LNPEP: variants seen among roughly 807,000 people sequenced by gnomAD.
LNPEP encodes the protein leucyl and cystinyl aminopeptidase, also known as leucyl-cystinyl aminopeptidase.
In LNPEP, 64 loss-of-function variants were observed where a neutral mutation model predicts 120.6. The ratio of observed to expected loss-of-function variants is 0.53; its 90% CI spans 0.43 to 0.65. The LOEUF is 0.65. Among genes scored for constraint, LNPEP ranks in the 30% least tolerant of loss-of-function variants. The pLI is 0.00. For missense variants in LNPEP, 1,057 were observed against 1,200.0 expected (o/e 0.88, Z 1.76); for synonymous variants, 435 against 425.4 (o/e 1.02, Z -0.28).
intron 14 of LNPEP, among the ~76,000 whole-genome samples, chr5:97,022,983 C>T (rs27295): frequency 0.59 from 89,825 of 151,650 alleles, 26,665 homozygotes; most frequent in Middle Eastern, 0.7. Context: ...TAGTGTTAAG[C>T]ATATTCACAT....
rs1039428198 is a variant in LNPEP at position 97,032,331 on chromosome 5, C to T, written c.*3798C>T. On this transcript the variant is annotated 3_prime_UTR_variant, in exon 18 of 18. Transcript: ENST00000231368. ...ATTCTTTTATTTTGTGCTCCATTCC[C>T]TGCTTTGCCAGTTAAGTACTACCTG... The T allele has an allele frequency of 2.6e-5, 4 of 152,088 alleles. No homozygotes were observed. The highest frequency in any genetic ancestry group is 4.4e-5 in the Non-Finnish European group (3 of 68,020). The allele number at this position is 152,088 out of a possible 1,614,324, so 9.4% of individuals were successfully genotyped here. A position where few individuals can be genotyped will look rare whatever the true frequency, so the allele number is the denominator to read the frequency against.
At chr5:97,010,789 A>G in intron 11 of LNPEP, 1 of 985,412 alleles carries the variant, frequency 1.0e-6, no homozygotes, top group Non-Finnish European at 1.2e-6. Context: ...ATATGAGGGT[A>G]GCTTCATCCA....
intron 1 of LNPEP, among the ~76,000 whole-genome samples, chr5:96,952,598 A>G (rs1789349520): frequency 6.6e-6 from 1 of 152,204 alleles, no homozygotes; most frequent in East Asian, 1.9e-4. Context: ...GACTGGCCAC[A>G]TTATCAGATG....
intron 1 of LNPEP, among the ~76,000 whole-genome samples, chr5:96,975,424 A>G (rs184374516): frequency 6.6e-6 from 1 of 152,304 alleles, no homozygotes; most frequent in Non-Finnish European, 1.5e-5. Context: ...AGGTCCATCT[A>G]GCCCGAGGTA....
chr5:97,003,005 C>T (rs1227585752), intron 8 of LNPEP, among the ~76,000 whole-genome samples: 1 of 152,186 alleles, frequency 6.6e-6, no homozygotes. Flanking sequence ...TTTATTGTGT[C>T]TCCAGCACAC....
Position 96,954,639 on chromosome 5 carries a change from T to TAC in LNPEP, c.19+18467_19+18468dup, listed in dbSNP as rs1554066327. On this transcript the variant is annotated intron_variant, in intron 1 of 17. Coordinates refer to ENST00000231368, the MANE Select transcript of LNPEP (RefSeq NM_005575.3). ...CTCTCTATATATATATATACATATA[T>TAC]ACATATATACATATATACACATATA... Among the ~76,000 whole-genome samples, 7 of 129,788 alleles carry TAC rather than the reference T, an allele frequency of 5.4e-5. 3 individuals are homozygous for TAC. Among genetic ancestry groups the TAC allele is most frequent in the Non-Finnish European group, 1.1e-4 (7 of 64,680 alleles). 85.1% of individuals were successfully genotyped at this position (129,788 alleles called of 152,430 possible).
In LNPEP at chr5:97,013,815, A is replaced by G. The variant is rs374190284; in HGVS notation, c.2203A>G (p.Ile735Val). Residue 735 changes from isoleucine (I) to valine (V), a missense_variant, in exon 12 of 18, where the codon ATC (isoleucine) becomes GTC (valine). Ile to Val is a conservative substitution (Grantham distance 29). Transcript: ENST00000231368. ...DKDRANLINN[I>V]FELAGLGKVP... is the part of the protein sequence containing the mutation. ...AGACCGAGCCAACCTTATCAACAAC[A>G]TCTTTGAACTTGCAGGGTAGAGTAT... 1.2e-6 allele frequency: 2 copies of G among 1,600,350 alleles called. No individual in the cohort carries two copies. Among genetic ancestry groups the G allele is most frequent in the Non-Finnish European group, 1.7e-6 (2 of 1,175,214 alleles).
intron 7 of LNPEP, among the ~76,000 whole-genome samples, chr5:96,997,621 C>G (rs1790545570): frequency 6.6e-6 from 1 of 152,044 alleles, no homozygotes; most frequent in Non-Finnish European, 1.5e-5. Context: ...TATAAGAAAT[C>G]AGCGTAAGGA....
At chr5:96,990,190 T>G (rs1790359479) in intron 4 of LNPEP, among the ~76,000 whole-genome samples, 1 of 152,122 alleles carries the variant, frequency 6.6e-6, no homozygotes, top group African/African-American at 2.4e-5. Flanking sequence ...ATTTAAAAAT[T>G]GTATGTCAGG....
intron 1 of LNPEP, among the ~76,000 whole-genome samples, chr5:96,977,854 T>G (rs573928668): frequency 6.6e-6 from 1 of 152,206 alleles, no homozygotes; most frequent in Non-Finnish European, 1.5e-5. Context: ...AGGGCTCTCA[T>G]CTTTTATTGA....
chr5:97,006,043 G>T (rs1239209006), intron 9 of LNPEP, 30 bp from the exon 10 acceptor site: 2 of 737,800 alleles, frequency 2.7e-6, no homozygotes, highest in Non-Finnish European at 1.7e-6. Context: ...TAAGGAAAAA[G>T]TTTTATATAT....
chr5:97,000,423 C>CT, intron 8 of LNPEP, among the ~76,000 whole-genome samples: 1 of 147,968 alleles, frequency 6.8e-6, no homozygotes, highest in Middle Eastern at 3.5e-3. Flanking sequence ...CATGTGGGAA[C>CT]TTGGGTTTTG....
At chr5:97,026,782 C>A in intron 16 of LNPEP, 25 bp downstream of exon 16, 1 of 1,593,344 alleles carries the variant, frequency 6.3e-7, no homozygotes, top group Non-Finnish European at 8.6e-7. Flanking sequence ...GAATTATTAA[C>A]TTTTAGTATT....
chr5:96,998,735 C>A (rs138126163), intron 8 of LNPEP, among the ~76,000 whole-genome samples: 173 of 152,194 alleles, frequency 1.1e-3, no homozygotes, highest in African/African-American at 3.8e-3. Context: ...AGAAAATACA[C>A]AAAATGTGTG....
chr5:96,960,081 GGCATGTA>G (rs1244614579), intron 1 of LNPEP, among the ~76,000 whole-genome samples: 1 of 151,578 alleles, frequency 6.6e-6, no homozygotes, highest in Non-Finnish European at 1.5e-5. Flanking sequence ...TGGGATTACA[GGCATGTA>G]CCACCACACC....
rs566480695 is a variant in LNPEP, at chr5:97,017,998, A to G, written c.2376+2903A>G. Among the ~76,000 whole-genome samples the G allele has an allele frequency of 2.8e-4, 42 of 152,154 alleles. 1 individual carries two copies. The South Asian group carries it at 8.7e-3, about 32-fold the overall frequency. ...TGTTCTCCCTGTGTTTCTGTGCCCA[A>G]ATTGCCCCATTCTTAGATTAAGGCC... On this transcript the variant is annotated intron_variant, in intron 13 of 17. Transcript: ENST00000231368.
Position 96,947,813 on chromosome 5 carries a change from CA to C in LNPEP, c.19+11647del, listed in dbSNP as rs1268252795. Among the ~76,000 whole-genome samples the C allele has an allele frequency of 3.3e-5, 5 of 151,750 alleles. No individual in the cohort carries two copies. The South Asian group carries it at 6.3e-4, about 19-fold the overall frequency. On this transcript the variant is annotated intron_variant, in intron 1 of 17. Coordinates refer to ENST00000231368, the MANE Select transcript of LNPEP (RefSeq NM_005575.3). Reference sequence around the variant, plus strand: ...TTACATATAGAGAGAATATAATGTACAAAAAAAATCTTGGGAGATGAGTGCT... The same window carrying C: ...TTACATATAGAGAGAATATAATGTACAAAAAAATCTTGGGAGATGAGTGCT...
In LNPEP at chr5:96,993,136, G is replaced by C; in HGVS notation, c.1252+1G>C. ...ATTCAGTACCCACTTAAGAAATTGG[G>C]TAAGAATCAAATAGTGTGTCTGATT... On this transcript the variant is annotated splice_donor_variant, in intron 5 of 17. Coordinates refer to ENST00000231368, the MANE Select transcript of LNPEP (RefSeq NM_005575.3). LOFTEE classifies it high-confidence loss of function. 1 of 1,571,506 alleles carries C rather than the reference G, an allele frequency of 6.4e-7. No homozygotes were observed. Among genetic ancestry groups the C allele is most frequent in the Non-Finnish European group, 8.6e-7 (1 of 1,156,468 alleles).
intron 8 of LNPEP, among the ~76,000 whole-genome samples, chr5:97,000,890 C>A (rs759775408): frequency 1.3e-5 from 2 of 151,848 alleles, no homozygotes; most frequent in Non-Finnish European, 2.9e-5. Flanking sequence ...GAGAGAGATA[C>A]GAGATTGAGA....
Sources: allele counts gnomAD v4.1 joint callset (sites outside exome capture counted in the v4.1 genomes callset), GRCh38; gene constraint gnomAD v4.1.1; transcripts MANE v1.5; gene names NCBI Gene and HGNC (gene_info 2026-07-23, HGNC 2026-07-21).